KCTD8: variants seen among roughly 807,000 people sequenced by gnomAD.
The protein encoded by KCTD8 is potassium channel tetramerization domain containing 8.
A neutral mutation model predicts 31.5 loss-of-function variants in KCTD8; 27 were observed. The observed-to-expected ratio is 0.86, with a 90% CI of 0.63 to 1.18. The LOEUF (loss-of-function observed/expected upper bound fraction) is 1.18. KCTD8 is among the 50% of genes most tolerant of loss of function. The pLI is 0.00. For synonymous variants in KCTD8, 290 were observed against 280.0 expected (o/e 1.04, Z -0.36); for missense variants, 658 against 647.7 (o/e 1.02, Z -0.17).
At chr4:44,340,279 T>C (rs1039190322) in intron 1 of KCTD8, among the ~76,000 whole-genome samples, 2 of 151,612 alleles carry the variant, frequency 1.3e-5, no homozygotes, top group Non-Finnish European at 2.9e-5. Context: ...TACATAAAAG[T>C]TGGAGGCAAC....
At chr4:44,332,952 G>A (rs2109413399) in intron 1 of KCTD8, among the ~76,000 whole-genome samples, 1 of 152,130 alleles carries the variant, frequency 6.6e-6, no homozygotes, top group South Asian at 2.1e-4. Flanking sequence ...GTCACCCTCA[G>A]TTGAGAACCA....
chr4:44,267,048 T>C (rs1401565263), intron 1 of KCTD8, among the ~76,000 whole-genome samples: 3 of 152,168 alleles, frequency 2.0e-5, no homozygotes, highest in Non-Finnish European at 2.9e-5. Context: ...GCAGACCTAA[T>C]AGACATCTAT....
chr4:44,193,451 T>C (rs560766301), intron 1 of KCTD8, among the ~76,000 whole-genome samples: 16 of 152,302 alleles, frequency 1.1e-4, no homozygotes, highest in South Asian at 4.1e-4. Context: ...CTGAAAATGG[T>C]GTTAAAACCA....
intron 1 of KCTD8, among the ~76,000 whole-genome samples, chr4:44,239,942 T>G (rs1298229883): frequency 1.3e-5 from 2 of 152,220 alleles, no homozygotes; most frequent in African/African-American, 4.8e-5. Flanking sequence ...ACTTGAAGAT[T>G]TGATAAGCCT....
At chr4:44,183,976 A>G (rs1481180909) in intron 1 of KCTD8, among the ~76,000 whole-genome samples, 3 of 152,230 alleles carry the variant, frequency 2.0e-5, no homozygotes, top group African/African-American at 4.8e-5. Context: ...CACTTGAGTC[A>G]AAAGGGAAAA....
At chr4:44,271,724 AGCCCATCCCTTTGTTTCG>A (rs1560412165) in intron 1 of KCTD8, among the ~76,000 whole-genome samples, 2 of 152,180 alleles carry the variant, frequency 1.3e-5, no homozygotes, top group East Asian at 1.9e-4. Context: ...AACTAGCCAG[AGCCCATCCCTTTGTTTCG>A]GCCCATCCCT....
At chr4:44,426,788 C>A (rs1254306590) in intron 1 of KCTD8, among the ~76,000 whole-genome samples, 1 of 151,624 alleles carries the variant, frequency 6.6e-6, no homozygotes, top group Non-Finnish European at 1.5e-5. Context: ...ATAATTCATA[C>A]CTTTTAAGTA....
rs376026429 is a variant in KCTD8, at chr4:44,266,224, G to C, written c.962-90974C>G. ...CAGAAACTCTACAAGCCAGAAGAGA[G>C]TGGGGGCCAATATTCAACATTCTTA... On this transcript the variant is annotated intron_variant, in intron 1 of 1. Coordinates refer to ENST00000360029, the MANE Select transcript of KCTD8 (RefSeq NM_198353.3). Among the ~76,000 whole-genome samples, 59 of 152,286 alleles carry C rather than the reference G, an allele frequency of 3.9e-4. No individual in the cohort carries two copies. In the South Asian group the frequency reaches 0.012, roughly 31 times the overall value.
intron 1 of KCTD8, among the ~76,000 whole-genome samples, chr4:44,343,556 TCAA>T (rs1024838194): frequency 3.9e-5 from 6 of 152,180 alleles, no homozygotes; most frequent in African/African-American, 1.4e-4. Context: ...AATGGCTTGC[TCAA>T]CACAGGGTTA....
intron 1 of KCTD8, among the ~76,000 whole-genome samples, chr4:44,224,971 G>T (rs1714913274): frequency 6.6e-6 from 1 of 152,146 alleles, no homozygotes; most frequent in Non-Finnish European, 1.5e-5. Context: ...TCATTGGTAA[G>T]AACTAGTCAT....
In KCTD8 at chr4:44,194,815, CCCTTCCTT is replaced by C. The variant is rs1167841653; in HGVS notation, c.962-19573_962-19566del. On this transcript the variant is annotated intron_variant, in intron 1 of 1. Transcript: ENST00000360029. Reference sequence around the variant, plus strand: ...TCCCTCCCTCCCTCCCTCCCTCCCTCCCTTCCTTCCTTCCTTCCTTCCTTCCCTCTTTC... The same window carrying C: ...TCCCTCCCTCCCTCCCTCCCTCCCTCCCTTCCTTCCTTCCTTCCCTCTTTC... Among the ~76,000 whole-genome samples, 11 of 94,766 alleles carry C rather than the reference CCCTTCCTT, an allele frequency of 1.2e-4. No individual in the cohort carries two copies. The South Asian group carries it at 1.3e-3, about 11-fold the overall frequency. The allele number at this position is 94,766 out of a possible 152,430, so 62.2% of individuals were successfully genotyped here. A position where few individuals can be genotyped will look rare whatever the true frequency, so the allele number is the denominator to read the frequency against.
intron 1 of KCTD8, among the ~76,000 whole-genome samples, chr4:44,393,443 A>C (rs533927952): frequency 6.6e-6 from 1 of 151,998 alleles, no homozygotes; most frequent in Admixed American, 6.6e-5. Context: ...AGGGAAAAAA[A>C]CAGTAAATTT....
intron 1 of KCTD8, among the ~76,000 whole-genome samples, chr4:44,244,758 G>A (rs750480617): frequency 1.3e-5 from 2 of 149,818 alleles, no homozygotes; most frequent in Admixed American, 6.7e-5. Flanking sequence ...TATCTAAACA[G>A]GCATTCCTTG....
chr4:44,228,263 A>G (rs1437129192), intron 1 of KCTD8, among the ~76,000 whole-genome samples: 1 of 152,142 alleles, frequency 6.6e-6, no homozygotes, highest in African/African-American at 2.4e-5. Flanking sequence ...CTTGGCTTGT[A>G]AATGGCTTTC....
At chr4:44,209,744 T>A (rs1397925903) in intron 1 of KCTD8, among the ~76,000 whole-genome samples, 1 of 152,142 alleles carries the variant, frequency 6.6e-6, no homozygotes, top group African/African-American at 2.4e-5. Context: ...TGTGAACATT[T>A]TCAGGAATGG....
chr4:44,187,431 C>T (rs1324985598), intron 1 of KCTD8, among the ~76,000 whole-genome samples: 1 of 152,204 alleles, frequency 6.6e-6, no homozygotes, highest in Non-Finnish European at 1.5e-5. Flanking sequence ...AAAAACTCCA[C>T]ACAAAGATGC....
intron 1 of KCTD8, among the ~76,000 whole-genome samples, chr4:44,294,739 A>G (rs1461137284): frequency 6.6e-6 from 1 of 152,160 alleles, no homozygotes; most frequent in East Asian, 1.9e-4. Context: ...TCAAAGTCAC[A>G]TTTTCAACTG....
chr4:44,222,264 C>T (rs975045136), intron 1 of KCTD8, among the ~76,000 whole-genome samples: 2 of 151,912 alleles, frequency 1.3e-5, no homozygotes, highest in Admixed American at 1.3e-4. Flanking sequence ...TGAGTTGAGC[C>T]TGAAGTTGAC....
At chr4:44,431,977 G>C (rs907400184) in intron 1 of KCTD8, among the ~76,000 whole-genome samples, 1 of 151,500 alleles carries the variant, frequency 6.6e-6, no homozygotes, top group African/African-American at 2.4e-5. Context: ...CATGAGATTT[G>C]ATTTTCACAA....
Sources: gnomAD v4.1 joint callset for allele counts (sites outside exome capture counted in the v4.1 genomes callset) on GRCh38, gnomAD v4.1.1 for gene constraint, MANE v1.5 for transcripts, NCBI Gene and HGNC (gene_info 2026-07-23, HGNC 2026-07-21) for gene names.